Variants in RHOU observed in about 807,000 individuals in gnomAD.
RHOU encodes the protein ras homolog family member U.
RHOU carries 8 observed loss-of-function variants against 12.6 expected under a neutral mutation model. That is an observed-to-expected ratio of 0.64 (90% CI 0.37 to 1.15). RHOU has a LOEUF of 1.15. Among genes scored for constraint, RHOU ranks in the 50% most tolerant of loss-of-function variants. The pLI is 0.01. For missense variants in RHOU, 258 were observed against 347.0 expected (o/e 0.74, Z 2.04); for synonymous variants, 161 against 147.4 (o/e 1.09, Z -0.67).
intron 2 of RHOU, among the ~76,000 whole-genome samples, chr1:228,739,355 G>A (rs1281603971): frequency 6.6e-6 from 1 of 152,094 alleles, no homozygotes; most frequent in Non-Finnish European, 1.5e-5. Flanking sequence ...CATGAGGTCA[G>A]GAGTTCAAGA....
At chr1:228,647,447 G>A in the RHOU span, among the ~76,000 whole-genome samples, 1 of 152,230 alleles carries the variant, frequency 6.6e-6, no homozygotes, top group Admixed American at 6.5e-5. Flanking sequence ...ATAGGAATCC[G>A]GGTGCACAGG....
chr1:228,662,034 C>T, the RHOU span, among the ~76,000 whole-genome samples: 9 of 152,212 alleles, frequency 5.9e-5, no homozygotes, highest in Admixed American at 5.2e-4. Context: ...TGAACAGACA[C>T]TTCTCAAAAG....
chr1:228,707,650 C>G, the RHOU span, among the ~76,000 whole-genome samples: 1 of 152,022 alleles, frequency 6.6e-6, no homozygotes, highest in African/African-American at 2.4e-5. Flanking sequence ...CACCAAAAAC[C>G]CATCTGTACA....
At chr1:228,649,013 A>T in the RHOU span, among the ~76,000 whole-genome samples, 1 of 151,998 alleles carries the variant, frequency 6.6e-6, no homozygotes, top group African/African-American at 2.4e-5. Flanking sequence ...AAAGGCGCGC[A>T]CCAACCTCGC....
the RHOU span, among the ~76,000 whole-genome samples, chr1:228,697,821 G>A: frequency 1.4e-4 from 21 of 152,310 alleles, no homozygotes; most frequent in Middle Eastern, 3.4e-3. Context: ...TGGGTAGTTA[G>A]AACTAAGCAG....
In RHOU at chr1:228,739,760, A is replaced by C. The variant is rs1662685815; in HGVS notation, c.321+2029A>C. 2.6e-5 allele frequency among the ~76,000 whole-genome samples: 4 copies of C among 152,240 alleles called. No individual in the cohort carries two copies. In the South Asian group the frequency reaches 8.3e-4, roughly 31 times the overall value. ...GGATGTCACTCAAATATCACTGTCC[A>C]CTGGGCTCCCCGTAAGTGTTGGCTC... On this transcript the variant is annotated intron_variant, in intron 2 of 2. Coordinates refer to ENST00000366691, the MANE Select transcript of RHOU (RefSeq NM_021205.6).
At chr1:228,654,552 C>T in the RHOU span, among the ~76,000 whole-genome samples, 1 of 152,284 alleles carries the variant, frequency 6.6e-6, no homozygotes, top group Middle Eastern at 3.4e-3. Flanking sequence ...CAGCTTTTCC[C>T]AAGATAATAG....
At chr1:228,666,050 C>T in the RHOU span, among the ~76,000 whole-genome samples, 6 of 150,668 alleles carry the variant, frequency 4.0e-5, no homozygotes, top group East Asian at 3.9e-4. Context: ...CTCTGCCTCC[C>T]GGGTTCAAGT....
Position 228,743,681 on chromosome 1 carries a change from C to A in RHOU, c.718C>A (p.Pro240Thr). The A allele has an allele frequency of 6.2e-7, 1 of 1,614,008 alleles. No individual in the cohort carries two copies. Among genetic ancestry groups the A allele is most frequent in the Non-Finnish European group, 8.5e-7 (1 of 1,179,976 alleles). The change falls in exon 3 of 3, where the codon CCA (proline) becomes ACA (threonine). Residue 240 changes from proline (P) to threonine (T), a missense_variant. By Grantham distance (38) the Pro-to-Thr change is conservative. Transcript: ENST00000366691. This position sits in a 1 kb window ranked among gnomAD's most constrained non-coding sequence, Gnocchi z 5.1. ...QQPKKSKSRTPDKMKNLSKSW... is the reference protein window; with the variant it reads ...QQPKKSKSRTTDKMKNLSKSW... Reference sequence around the variant, plus strand: ...GCCAAAGAAGTCTAAAAGCAGGACTCCAGATAAAATGAAAAACCTCTCCAA... The same window carrying A: ...GCCAAAGAAGTCTAAAAGCAGGACTACAGATAAAATGAAAAACCTCTCCAA...
At chr1:228,675,302 T>C in the RHOU span, among the ~76,000 whole-genome samples, 1,303 of 152,302 alleles carry the variant, frequency 8.6e-3, 48 homozygotes, top group East Asian at 0.086. Context: ...TATCCTTGTA[T>C]TTATACTAGA....
chr1:228,723,643 G>A, the RHOU span, among the ~76,000 whole-genome samples: 2,976 of 152,292 alleles, frequency 0.02, 105 homozygotes, highest in African/African-American at 0.068. Flanking sequence ...GCTAAGAGCC[G>A]GGGCTTTACG....
At chr1:228,662,479 CA>C in the RHOU span, among the ~76,000 whole-genome samples, 1 of 152,160 alleles carries the variant, frequency 6.6e-6, no homozygotes, top group Admixed American at 6.6e-5. Flanking sequence ...GGCACATATA[CA>C]CCATGGAATA....
At chr1:228,664,472 C>T in the RHOU span, among the ~76,000 whole-genome samples, 1 of 152,034 alleles carries the variant, frequency 6.6e-6, no homozygotes, top group South Asian at 2.1e-4. Flanking sequence ...AGAAAATAAT[C>T]TTTATGAAGA....
chr1:228,711,263 C>T, the RHOU span, among the ~76,000 whole-genome samples: 7 of 152,030 alleles, frequency 4.6e-5, no homozygotes, highest in African/African-American at 1.4e-4. Context: ...AGTGCCATCC[C>T]CATCAAGCTA....
chr1:228,696,587 C>T, the RHOU span, among the ~76,000 whole-genome samples: 2 of 152,102 alleles, frequency 1.3e-5, no homozygotes, highest in East Asian at 1.9e-4. Flanking sequence ...TGCTCTGTCA[C>T]CCAGGCTGGA....
the RHOU span, among the ~76,000 whole-genome samples, chr1:228,649,392 A>C: frequency 1.3e-5 from 2 of 152,202 alleles, no homozygotes; most frequent in Non-Finnish European, 2.9e-5. Flanking sequence ...CCTTTTTGAT[A>C]ACTGGTCTAA....
chr1:228,687,410 A>C, the RHOU span: 24 of 1,148,900 alleles, frequency 2.1e-5, no homozygotes, highest in South Asian at 1.2e-4. Context: ...CCCAACATGC[A>C]TGCACTGCCT....
At chr1:228,742,836 C>T (rs753474671) in intron 2 of RHOU, among the ~76,000 whole-genome samples, 1 of 152,116 alleles carries the variant, frequency 6.6e-6, no homozygotes, top group South Asian at 2.1e-4. Context: ...GAGCTGTGTT[C>T]GTAGACTGGG....
the RHOU span, among the ~76,000 whole-genome samples, chr1:228,658,244 G>T: frequency 6.8e-6 from 1 of 146,300 alleles, no homozygotes; most frequent in Non-Finnish European, 1.5e-5. Flanking sequence ...CAGGCTACAG[G>T]CTACTGCACT....
Sources: allele counts gnomAD v4.1 joint callset (sites outside exome capture counted in the v4.1 genomes callset), GRCh38; gene constraint gnomAD v4.1.1; non-coding constraint Gnocchi (gnomAD v3.1); transcripts MANE v1.5; gene names NCBI Gene and HGNC (gene_info 2026-07-23, HGNC 2026-07-21).